The following MAGI1 variants were observed in gnomAD, a reference collection of about 807,000 sequenced individuals.
The protein encoded by MAGI1 is membrane-associated guanylate kinase, WW and PDZ domain-containing protein 1.
A neutral mutation model predicts 139.9 loss-of-function variants in MAGI1; 58 were observed. That is an observed-to-expected ratio of 0.41 (90% CI 0.34 to 0.52). The LOEUF (loss-of-function observed/expected upper bound fraction) is 0.52. Ranked by LOEUF, MAGI1 falls within the 20% of genes least tolerant of loss-of-function variation. The pLI, the probability that MAGI1 is intolerant of heterozygous loss-of-function variation, is 0.12. For missense variants in MAGI1, 1,874 were observed against 1,901.6 expected (o/e 0.99, Z 0.27); for synonymous variants, 812 against 737.9 (o/e 1.10, Z -1.63).
rs192365381 is a variant in MAGI1 at position 65,549,107 on chromosome 3, C to T, written c.431-55476G>A. On this transcript the variant is annotated intron_variant, in intron 2 of 22. Coordinates refer to ENST00000402939, the MANE Select transcript of MAGI1 (RefSeq NM_001033057.2). ...CCTGCTCGGGCCCTGCGCTCCGGGG[C>T]GCGGGCCGAGATGCTCGCCCAAGAA... Among the ~76,000 whole-genome samples, 106 of 152,184 alleles carry T rather than the reference C, an allele frequency of 7.0e-4. 1 individual carries two copies. In the East Asian group the frequency reaches 0.016, roughly 23 times the overall value.
chr3:65,665,375 G>C (rs899513367), intron 1 of MAGI1, among the ~76,000 whole-genome samples: 3 of 152,150 alleles, frequency 2.0e-5, no homozygotes, highest in African/African-American at 7.2e-5. Flanking sequence ...GGAAAAGATG[G>C]AAAACAGGCT....
intron 1 of MAGI1, among the ~76,000 whole-genome samples, chr3:65,695,260 G>C (rs927919489): frequency 6.6e-6 from 1 of 152,174 alleles, no homozygotes; most frequent in Non-Finnish European, 1.5e-5. Flanking sequence ...TTTTAGGTGG[G>C]AGACTGTTGG....
At chr3:65,694,927 T>C (rs780827556) in intron 1 of MAGI1, among the ~76,000 whole-genome samples, 2 of 152,214 alleles carry the variant, frequency 1.3e-5, no homozygotes, top group Admixed American at 6.5e-5. Flanking sequence ...ACTTTTTTTG[T>C]GTGTATGTAT....
intron 1 of MAGI1, among the ~76,000 whole-genome samples, chr3:65,895,644 T>C (rs1297032294): frequency 3.3e-5 from 5 of 152,230 alleles, no homozygotes; most frequent in Admixed American, 3.3e-4. Flanking sequence ...AAATTCATTA[T>C]AGTTTCATGT....
chr3:65,380,524 A>AC (rs1473211847), intron 16 of MAGI1, among the ~76,000 whole-genome samples: 2 of 151,002 alleles, frequency 1.3e-5, no homozygotes, highest in South Asian at 2.1e-4. Flanking sequence ...TATTTCCTCC[A>AC]CCCCCCACCA....
intron 1 of MAGI1, among the ~76,000 whole-genome samples, chr3:65,986,891 GAC>G (rs1483929240): frequency 7.3e-6 from 1 of 136,576 alleles, no homozygotes; most frequent in African/African-American, 2.8e-5. Flanking sequence ...TTTTTTTTGA[GAC>G]AGAGTCTAAC....
intron 20 of MAGI1, 37 bp downstream of exon 20, chr3:65,364,628 G>T: frequency 1.3e-6 from 2 of 1,579,988 alleles, no homozygotes; most frequent in East Asian, 2.2e-5. Context: ...GGAAGGAAAC[G>T]TGCAAAGTAT....
At chr3:65,998,387 C>A (rs1198523199) in intron 1 of MAGI1, among the ~76,000 whole-genome samples, 1 of 152,118 alleles carries the variant, frequency 6.6e-6, no homozygotes, top group Non-Finnish European at 1.5e-5. Flanking sequence ...ATAGCTTTTT[C>A]GTGCCAAGAA....
chr3:65,403,468 T>G (rs1945074417), intron 12 of MAGI1, among the ~76,000 whole-genome samples: 1 of 152,224 alleles, frequency 6.6e-6, no homozygotes, highest in African/African-American at 2.4e-5. Flanking sequence ...TATGATTCCC[T>G]TAAGAAATTT....
chr3:65,398,107 C>A (rs917569515), intron 13 of MAGI1, among the ~76,000 whole-genome samples: 11 of 151,816 alleles, frequency 7.2e-5, no homozygotes, highest in African/African-American at 2.2e-4. Flanking sequence ...TATAGTATTT[C>A]CAGTGCTTCA....
intron 1 of MAGI1, among the ~76,000 whole-genome samples, chr3:65,692,519 C>A (rs1346281206): frequency 1.3e-5 from 2 of 152,116 alleles, no homozygotes; most frequent in South Asian, 2.1e-4. Flanking sequence ...ATTCATATAT[C>A]CCTGAGAGAT....
chr3:65,618,521 C>T (rs964744489), intron 2 of MAGI1, among the ~76,000 whole-genome samples: 2 of 151,964 alleles, frequency 1.3e-5, no homozygotes, highest in Non-Finnish European at 2.9e-5. Context: ...CCAGATAAAA[C>T]GTCATTATTT....
intron 2 of MAGI1, among the ~76,000 whole-genome samples, chr3:65,517,343 A>G (rs1428208857): frequency 6.6e-6 from 1 of 152,136 alleles, no homozygotes; most frequent in Non-Finnish European, 1.5e-5. Context: ...GGCTTACTGT[A>G]AATCGTAAGC....
At chr3:65,545,019 G>A (rs1267939593) in intron 2 of MAGI1, among the ~76,000 whole-genome samples, 1 of 152,042 alleles carries the variant, frequency 6.6e-6, no homozygotes, top group Non-Finnish European at 1.5e-5. Flanking sequence ...GGAAAGGGGC[G>A]GGCTGCAACG....
At chr3:65,898,058 G>A (rs1315540258) in intron 1 of MAGI1, among the ~76,000 whole-genome samples, 4 of 152,122 alleles carry the variant, frequency 2.6e-5, no homozygotes, top group Admixed American at 2.6e-4. Flanking sequence ...GCCATAAACA[G>A]CTTTTTCTCT....
chr3:65,627,791 C>A (rs1339695234), intron 1 of MAGI1, among the ~76,000 whole-genome samples: 1 of 151,948 alleles, frequency 6.6e-6, no homozygotes, highest in Non-Finnish European at 1.5e-5. Flanking sequence ...CAGGCTTGAG[C>A]CACTGAGCCC....
At chr3:65,737,353 GTGGA>G (rs1469850987) in intron 1 of MAGI1, among the ~76,000 whole-genome samples, 2 of 152,178 alleles carry the variant, frequency 1.3e-5, no homozygotes, top group African/African-American at 2.4e-5. Flanking sequence ...GGACGGACGG[GTGGA>G]TGGATGGACA....
intron 1 of MAGI1, among the ~76,000 whole-genome samples, chr3:65,901,325 TGTATG>T (rs2061223529): frequency 6.6e-6 from 1 of 152,118 alleles, no homozygotes; most frequent in Admixed American, 6.5e-5. Context: ...TCAGAGAAAG[TGTATG>T]GATGACATTT....
intron 1 of MAGI1, among the ~76,000 whole-genome samples, chr3:66,013,365 T>C (rs1288639951): frequency 1.4e-5 from 2 of 147,172 alleles, no homozygotes; most frequent in Non-Finnish European, 3.0e-5. Context: ...ATTGCACCAC[T>C]GTACTCCAGC....
Sources: allele counts gnomAD v4.1 joint callset (sites outside exome capture counted in the v4.1 genomes callset), GRCh38; gene constraint gnomAD v4.1.1; transcripts MANE v1.5; gene names NCBI Gene and HGNC (gene_info 2026-07-23, HGNC 2026-07-21).